FGD1: variants seen among roughly 807,000 people sequenced by gnomAD.
The protein encoded by FGD1 is FYVE, RhoGEF and PH domain-containing protein 1.
In FGD1, 12 loss-of-function variants were observed where a neutral mutation model predicts 65.0. The ratio of observed to expected loss-of-function variants is 0.18; its 90% CI spans 0.12 to 0.30. FGD1 has a LOEUF of 0.30. Ranked by LOEUF, FGD1 falls within the 10% of genes least tolerant of loss-of-function variation. FGD1 has a pLI of 1.00. For missense variants in FGD1, 542 were observed against 837.6 expected (o/e 0.65, Z 4.36); for synonymous variants, 333 against 343.9 (o/e 0.97, Z 0.35).
At chrX:54,456,125 A>T (rs1922497837) in intron 10 of FGD1, 95 bp downstream of exon 10, 1 of 989,448 alleles carries the variant, frequency 1.0e-6, no homozygotes, top group Admixed American at 2.6e-5. Flanking sequence ...TTCAGGAATG[A>T]AAGGAGGTAT....
chrX:54,495,236 G>C lies in FGD1; in HGVS notation c.197C>G (p.Thr66Ser). The C allele has an allele frequency of 1.7e-6, 2 of 1,192,325 alleles. No homozygotes were observed. Among genetic ancestry groups the C allele is most frequent in the Non-Finnish European group, 2.3e-6 (2 of 886,527 alleles). ...GTGGCCTGGAGCAGCGCCCAGGCTG[G>C]TGTCCGAGGGTCCGACAAACTGGGG... The part of the protein sequence containing the change: ...LDPQFVGPSD[T>S]SLGAAPGHRV... The change falls in exon 1 of 18, where the codon ACC (threonine) becomes AGC (serine). Residue 66 changes from threonine (T) to serine (S), a missense_variant. Physicochemically the swap from Thr to Ser is moderately conservative, Grantham distance 58. This residue lies in a region of FGD1 where 297 missense variants were observed against 326.8 expected (regional missense o/e 0.91). Coordinates refer to ENST00000375135, the MANE Select transcript of FGD1 (RefSeq NM_004463.3).
At chrX:54,448,673 C>T (rs1206459797) in intron 16 of FGD1, 133 bp downstream of exon 16, 8 of 593,989 alleles carry the variant, frequency 1.3e-5, no homozygotes, top group South Asian at 2.9e-5. Flanking sequence ...CTCTTGCCGT[C>T]ATTTTATTCA....
chrX:54,447,305 G>C lies in FGD1; in HGVS notation c.2580+6C>G, dbSNP rs778982543. 1 of 1,211,539 alleles carries C rather than the reference G, an allele frequency of 8.3e-7. No homozygotes were observed. The highest frequency in any genetic ancestry group is 2.2e-5 in the Admixed American group (1 of 46,072). On this transcript the variant is annotated splice_donor_region_variant and intron_variant, in intron 17 of 17. Coordinates refer to ENST00000375135, the MANE Select transcript of FGD1 (RefSeq NM_004463.3). ...CTGAAAGGACCCGAAGGAGTAGGATGCATACCTGAGGGGCTCCGTAGATAT... is the reference window on the plus strand; with the variant it reads ...CTGAAAGGACCCGAAGGAGTAGGATCCATACCTGAGGGGCTCCGTAGATAT...
In FGD1 at chrX:54,495,235, G is replaced by T. The variant is rs779242233; in HGVS notation, c.198C>A (p.Thr66=). The T allele has an allele frequency of 8.4e-7, 1 of 1,192,007 alleles. No individual in the cohort carries two copies. The highest frequency in any genetic ancestry group is 1.8e-5 in the South Asian group (1 of 54,392). Residue 66 remains threonine (T), a synonymous_variant, in exon 1 of 18, where the codon ACC becomes ACA. Coordinates refer to ENST00000375135, the MANE Select transcript of FGD1 (RefSeq NM_004463.3). The part of the protein sequence containing the change: ...LDPQFVGPSD[T]SLGAAPGHRV... ...GGTGGCCTGGAGCAGCGCCCAGGCT[G>T]GTGTCCGAGGGTCCGACAAACTGGG...
At chrX:54,462,500 C>T (rs1922659775) in intron 8 of FGD1, among the ~76,000 whole-genome samples, 1 of 104,631 alleles carries the variant, frequency 9.6e-6, no homozygotes, top group African/African-American at 3.5e-5. Context: ...TCCAGCGATT[C>T]TCCTGCCTCA....
At chrX:54,482,767 G>A (rs1233272734) in intron 1 of FGD1, among the ~76,000 whole-genome samples, 1 of 111,222 alleles carries the variant, frequency 9.0e-6, no homozygotes, top group Non-Finnish European at 1.9e-5. Flanking sequence ...CCCAGAGATG[G>A]ACATAGAGGG....
Position 54,495,492 on chromosome X carries a change from G to A in FGD1, c.-60C>T. 1.2e-6 allele frequency: 1 copy of A among 843,201 alleles called. No individual in the cohort carries two copies. Among genetic ancestry groups the A allele is most frequent in the Non-Finnish European group, 1.5e-6 (1 of 673,536 alleles). 69.5% of individuals were successfully genotyped at this position (843,201 alleles called of 1,213,427 possible). ...CTTGGCTCCAGCTCCTGGGGCGGAG[G>A]CGCGGGCGGAGGAGGCCCGGCGCCC... is the stretch of plus-strand genomic sequence containing the variant. On this transcript the variant is annotated 5_prime_UTR_variant, in exon 1 of 18. Transcript: ENST00000375135.
intron 1 of FGD1, among the ~76,000 whole-genome samples, chrX:54,487,964 A>C (rs6614245): frequency 0.25 from 26,222 of 103,616 alleles, 3,564 homozygotes; most frequent in East Asian, 0.57. Flanking sequence ...AACCAACCAA[A>C]CAAACAAACA....
intron 1 of FGD1, 72 bp downstream of exon 1, chrX:54,495,054 C>T: frequency 1.8e-6 from 2 of 1,098,856 alleles, no homozygotes; most frequent in Non-Finnish European, 2.4e-6. Flanking sequence ...TTAGAGGGCT[C>T]GAGAACAAGA....
rs1438450620 is a variant in FGD1, at chrX:54,495,465, C to G, written c.-33G>C. On this transcript the variant is annotated 5_prime_UTR_variant, in exon 1 of 18. Coordinates refer to ENST00000375135, the MANE Select transcript of FGD1 (RefSeq NM_004463.3). ...GCCTGGGCGCGGGGCCCGAGCTCCC[C>G]GCTTGGCTCCAGCTCCTGGGGCGGA... 24 of 929,772 alleles carry G rather than the reference C, an allele frequency of 2.6e-5. No individual in the cohort carries two copies. The highest frequency in any genetic ancestry group is 3.2e-5 in the Non-Finnish European group (24 of 747,412). The allele number at this position is 929,772 out of a possible 1,213,427, so 76.6% of individuals were successfully genotyped here.
At chrX:54,478,708 C>T (rs1222583224) in intron 1 of FGD1, among the ~76,000 whole-genome samples, 2 of 109,388 alleles carry the variant, frequency 1.8e-5, no homozygotes, top group Non-Finnish European at 3.8e-5. Context: ...GTGACCCACC[C>T]CCACCCCACC....
chrX:54,474,722 C>T (rs749242405), intron 1 of FGD1, among the ~76,000 whole-genome samples: 2 of 112,628 alleles, frequency 1.8e-5, no homozygotes, highest in African/African-American at 3.2e-5. Flanking sequence ...GTGGCACAGG[C>T]GGAGATGTGG....
At chrX:54,449,058 A>G (rs1922313417) in intron 15 of FGD1, 85 bp downstream of exon 15, 7 of 1,200,628 alleles carry the variant, frequency 5.8e-6, no homozygotes, top group Non-Finnish European at 7.9e-6. Flanking sequence ...GCCTCCCCCC[A>G]CTTGGAGGGT....
intron 1 of FGD1, among the ~76,000 whole-genome samples, chrX:54,494,093 G>A (rs1923472355): frequency 8.9e-6 from 1 of 112,815 alleles, no homozygotes; most frequent in Non-Finnish European, 1.9e-5. Context: ...CACAAAGGCA[G>A]TGGTCTGTGG....
chrX:54,446,687 G>C (rs761445127), intron 17 of FGD1, among the ~76,000 whole-genome samples: 2 of 100,771 alleles, frequency 2.0e-5, no homozygotes, highest in South Asian at 9.6e-4. Context: ...AATGTTTTCA[G>C]GCCTTTGTCT....
At chrX:54,493,868 T>C (rs1168259944) in intron 1 of FGD1, among the ~76,000 whole-genome samples, 1 of 112,480 alleles carries the variant, frequency 8.9e-6, no homozygotes, top group Non-Finnish European at 1.9e-5. Context: ...ACTTCACTAC[T>C]GCTACCTGGT....
chrX:54,487,492 A>G (rs1424288618), intron 1 of FGD1, among the ~76,000 whole-genome samples: 1 of 112,735 alleles, frequency 8.9e-6, no homozygotes, highest in Non-Finnish European at 1.9e-5. Context: ...CATGGATAGG[A>G]AGACTCAATA....
At chrX:54,474,687 G>A (rs1007808866) in intron 1 of FGD1, among the ~76,000 whole-genome samples, 5 of 112,902 alleles carry the variant, frequency 4.4e-5, no homozygotes, top group Admixed American at 2.8e-4. Context: ...GGGCGTGGGG[G>A]TGAGGAAGAT....
chrX:54,461,884 T>C (rs1036167214), intron 8 of FGD1, among the ~76,000 whole-genome samples: 1 of 110,556 alleles, frequency 9.0e-6, no homozygotes, highest in Non-Finnish European at 1.9e-5. Context: ...GGGTGCTCAG[T>C]TTGGCAATAC....
Sources: allele counts gnomAD v4.1 joint callset (sites outside exome capture counted in the v4.1 genomes callset), GRCh38; gene constraint gnomAD v4.1.1; regional missense constraint gnomAD v4.1.1; transcripts MANE v1.5; gene names NCBI Gene and HGNC (gene_info 2026-07-23, HGNC 2026-07-21).